Variants in PTPN9 observed in about 807,000 individuals in gnomAD.
PTPN9 encodes the protein tyrosine-protein phosphatase non-receptor type 9.
Under a neutral mutation model 69.8 loss-of-function variants are expected in PTPN9, and 26 were observed. That is an observed-to-expected ratio of 0.37 (90% CI 0.27 to 0.52). The LOEUF is 0.52. Ranked by LOEUF, PTPN9 falls within the 20% of genes least tolerant of loss-of-function variation. PTPN9 has a pLI of 0.91. For missense variants in PTPN9, 549 were observed against 740.3 expected (o/e 0.74, Z 3.00); for synonymous variants, 274 against 272.5 (o/e 1.01, Z -0.05).
At chr15:75,494,173 A>G (rs1395619124) in intron 7 of PTPN9, among the ~76,000 whole-genome samples, 1 of 149,034 alleles carries the variant, frequency 6.7e-6, no homozygotes, top group Non-Finnish European at 1.5e-5. Context: ...ATATATTTAC[A>G]TATAGAGAGA....
rs1381362325 is a variant in PTPN9 at position 75,517,279 on chromosome 15, T to G, written c.508A>C (p.Lys170Gln). 1.2e-6 allele frequency: 2 copies of G among 1,613,666 alleles called. No individual in the cohort carries two copies. Among genetic ancestry groups the G allele is most frequent in the African/African-American group, 2.7e-5 (2 of 74,918 alleles). ...CTTACCTTCAGCAGGTTTAGGACTT[T>G]CTTGCCAAGATCCAGCTCAAAGTTG... is the stretch of plus-strand genomic sequence containing the variant. ...YANFELDLGK[K>Q]VLNLLKGAFP... is the part of the protein sequence containing the mutation. The change falls in exon 5 of 13, where the codon AAA becomes CAA. Residue 170 changes from lysine (K) to glutamine (Q), a missense_variant. By Grantham distance (53) the Lys-to-Gln change is moderately conservative. Coordinates refer to ENST00000618819, the MANE Select transcript of PTPN9 (RefSeq NM_002833.4).
intron 1 of PTPN9, among the ~76,000 whole-genome samples, chr15:75,532,389 G>A (rs988225950): frequency 2.6e-5 from 4 of 150,970 alleles, no homozygotes; most frequent in Non-Finnish European, 2.9e-5. Context: ...GAGACAGTGC[G>A]AGACTCTGTC....
rs2074881566 is a variant in PTPN9, at chr15:75,518,197, C to G, written c.423-833G>C. Among the ~76,000 whole-genome samples, 3 of 151,998 alleles carry G rather than the reference C, an allele frequency of 2.0e-5. No homozygotes were observed. In the South Asian group the frequency reaches 6.2e-4, roughly 32 times the overall value. On this transcript the variant is annotated intron_variant, in intron 4 of 12. Transcript: ENST00000618819. ...GACCAGGCTGGGCAACATGACAATA[C>G]CTCATCATGTAGTGACCTATAGTCT...
intron 7 of PTPN9, among the ~76,000 whole-genome samples, chr15:75,492,933 C>T (rs1270810019): frequency 6.6e-6 from 1 of 152,046 alleles, no homozygotes; most frequent in Non-Finnish European, 1.5e-5. Context: ...GTGGGAGGAT[C>T]ACTTGAGCTC....
At chr15:75,506,429 T>A (rs1196881751) in intron 6 of PTPN9, among the ~76,000 whole-genome samples, 2 of 152,188 alleles carry the variant, frequency 1.3e-5, no homozygotes, top group East Asian at 3.9e-4. Context: ...TGTATTTTAC[T>A]CAGCTTGGTA....
intron 5 of PTPN9, among the ~76,000 whole-genome samples, chr15:75,514,738 G>A (rs1006436766): frequency 2.6e-5 from 4 of 152,016 alleles, no homozygotes; most frequent in African/African-American, 9.7e-5. Flanking sequence ...ATTTCTAAAT[G>A]GACAAATCAT....
At chr15:75,502,852 A>C (rs2074781490) in intron 7 of PTPN9, among the ~76,000 whole-genome samples, 1 of 152,210 alleles carries the variant, frequency 6.6e-6, no homozygotes. Flanking sequence ...TTTCAGAAAA[A>C]TATCCAAAAA....
intron 1 of PTPN9, among the ~76,000 whole-genome samples, chr15:75,544,386 T>G (rs2075022254): frequency 6.6e-6 from 1 of 151,978 alleles, no homozygotes. Context: ...TGAAAATAAA[T>G]TAGCCGGGTG....
At chr15:75,563,648 A>G (rs931532348) in intron 1 of PTPN9, among the ~76,000 whole-genome samples, 4 of 152,188 alleles carry the variant, frequency 2.6e-5, no homozygotes, top group African/African-American at 9.6e-5. Flanking sequence ...GATGGGCACT[A>G]AGGTTGATTC....
intron 1 of PTPN9, among the ~76,000 whole-genome samples, chr15:75,551,565 G>A (rs992943164): frequency 3.3e-5 from 5 of 152,066 alleles, no homozygotes; most frequent in Non-Finnish European, 7.3e-5. Context: ...TCACTATGTT[G>A]GACAGGCTGG....
intron 8 of PTPN9, chr15:75,480,867 G>C: frequency 3.5e-6 from 1 of 288,522 alleles, no homozygotes; most frequent in South Asian, 1.2e-4. Context: ...AAAGTGCCGA[G>C]ATTGCAGCCT....
chr15:75,480,741 G>C, intron 8 of PTPN9: 1 of 1,294,274 alleles, frequency 7.7e-7, no homozygotes, highest in South Asian at 1.7e-5. Context: ...GGGCAGCGGA[G>C]CTGTCTCAGT....
At chr15:75,520,461 G>C (rs2141318818) in intron 4 of PTPN9, among the ~76,000 whole-genome samples, 1 of 137,988 alleles carries the variant, frequency 7.2e-6, no homozygotes, top group South Asian at 2.5e-4. Flanking sequence ...TAGATAGATA[G>C]ATAGATAGAT....
chr15:75,480,400 C>G (rs998404976), intron 8 of PTPN9, among the ~76,000 whole-genome samples: 20 of 152,070 alleles, frequency 1.3e-4, no homozygotes, highest in African/African-American at 3.9e-4. Context: ...GTCAGGAGAT[C>G]GAGACCATCC....
At chr15:75,511,967 C>T (rs1278153676) in intron 5 of PTPN9, among the ~76,000 whole-genome samples, 1 of 151,824 alleles carries the variant, frequency 6.6e-6, no homozygotes, top group African/African-American at 2.4e-5. Flanking sequence ...TTCAGCCTCC[C>T]GAGTAGCTGG....
chr15:75,469,052 A>C (rs2074550712), intron 12 of PTPN9, 69 bp from the exon 13 acceptor site: 7 of 1,380,494 alleles, frequency 5.1e-6, no homozygotes, highest in Non-Finnish European at 7.0e-6. Context: ...CAAATAACCC[A>C]GGCAGAACTG....
intron 5 of PTPN9, among the ~76,000 whole-genome samples, chr15:75,516,776 C>T (rs1490098186): frequency 3.0e-5 from 4 of 132,104 alleles, no homozygotes; most frequent in Non-Finnish European, 3.1e-5. Context: ...GACACAGTCT[C>T]GCTCTGTCGC....
At chr15:75,475,029 A>T (rs2074587948) in intron 9 of PTPN9, among the ~76,000 whole-genome samples, 1 of 152,158 alleles carries the variant, frequency 6.6e-6, no homozygotes, top group Non-Finnish European at 1.5e-5. Flanking sequence ...ATTCCTTGTG[A>T]AGCTTCTTCT....
chr15:75,479,436 AT>A (rs1254387904), intron 9 of PTPN9, among the ~76,000 whole-genome samples: 1 of 152,310 alleles, frequency 6.6e-6, no homozygotes, highest in South Asian at 2.1e-4. Context: ...GCCTAGGCCT[AT>A]TAGGACAGCA....
Sources: allele counts gnomAD v4.1 joint callset (sites outside exome capture counted in the v4.1 genomes callset), GRCh38; gene constraint gnomAD v4.1.1; transcripts MANE v1.5; gene names NCBI Gene and HGNC (gene_info 2026-07-23, HGNC 2026-07-21).